The following AAK1 variants were observed in gnomAD, a reference collection of about 807,000 sequenced individuals.
The protein encoded by AAK1 is AP2 associated kinase 1.
Under a neutral mutation model 116.0 loss-of-function variants are expected in AAK1, and 37 were observed. The observed-to-expected ratio is 0.32, with a 90% confidence interval of 0.25 to 0.42. The LOEUF (loss-of-function observed/expected upper bound fraction) is 0.42. Among genes scored for constraint, AAK1 ranks in the 10% least tolerant of loss-of-function variants. The pLI, the probability that AAK1 is intolerant of heterozygous loss-of-function variation, is 1.00. For missense variants in AAK1, 919 were observed against 1,170.6 expected (o/e 0.79, Z 3.14); for synonymous variants, 458 against 439.9 (o/e 1.04, Z -0.51).
intron 2 of AAK1, among the ~76,000 whole-genome samples, chr2:69,595,868 G>A (rs1469099897): frequency 6.6e-6 from 1 of 152,222 alleles, no homozygotes; most frequent in Non-Finnish European, 1.5e-5. Context: ...TGATGCTCCT[G>A]TTAGGAACTA....
chr2:69,480,918 C>A lies in AAK1; in HGVS notation c.2511G>T (p.Glu837Asp). Reference protein sequence around the residue: ...VAVESLIPGLEPPVPQRLPSQ... With the variant: ...VAVESLIPGLDPPVPQRLPSQ... The stretch of plus-strand genomic sequence containing the variant: ...ATGGGAGGCGCTGGGGAACTGGGGG[C>A]TCCAGTCCTGGTATGAGACTCTCAA... The change falls in exon 19 of 22, where the codon GAG becomes GAT. Residue 837 changes from glutamate to aspartate, a missense_variant. By Grantham distance (45) the Glu-to-Asp change is conservative. Transcript: ENST00000409085. 2.5e-6 allele frequency: 4 copies of A among 1,607,516 alleles called. No individual in the cohort carries two copies. The highest frequency in any genetic ancestry group is 2.5e-6 in the Non-Finnish European group (3 of 1,177,590).
chr2:69,496,099 G>A lies in AAK1; in HGVS notation c.2270-19C>T. The stretch of plus-strand genomic sequence containing the variant: ...TTTTCAGCTGGAGTTAGGTTGGAGG[G>A]GAAGGAGGAGTCAGGAGAGAAAAAA... On this transcript the variant is annotated intron_variant, in intron 16 of 21. Transcript: ENST00000409085. 1 of 1,534,436 alleles carries A rather than the reference G, an allele frequency of 6.5e-7. No individual in the cohort carries two copies. The highest frequency in any genetic ancestry group is 8.8e-7 in the Non-Finnish European group (1 of 1,131,866).
chr2:69,612,755 C>T (rs1321193872), intron 2 of AAK1, among the ~76,000 whole-genome samples: 2 of 152,106 alleles, frequency 1.3e-5, no homozygotes, highest in Non-Finnish European at 2.9e-5. Flanking sequence ...ACATTCATAC[C>T]AAGATGGAAG....
chr2:69,579,800 T>A (rs959373115), intron 2 of AAK1, among the ~76,000 whole-genome samples: 2 of 152,170 alleles, frequency 1.3e-5, no homozygotes, highest in Admixed American at 6.5e-5. Context: ...TTTCACCCAT[T>A]AGGCATTTAA....
intron 8 of AAK1, among the ~76,000 whole-genome samples, chr2:69,528,530 A>C (rs939740563): frequency 3.9e-5 from 6 of 152,202 alleles, no homozygotes; most frequent in African/African-American, 1.4e-4. Flanking sequence ...GGCCGAGTAC[A>C]CGACTGAACC....
chr2:69,524,917 C>T, intron 10 of AAK1, 116 bp downstream of exon 10: 2 of 990,954 alleles, frequency 2.0e-6, no homozygotes, highest in Admixed American at 2.3e-5. Flanking sequence ...GCTTGCTTTC[C>T]TGATCTGTGC....
intron 2 of AAK1, among the ~76,000 whole-genome samples, chr2:69,558,872 T>C (rs1464323900): frequency 6.6e-6 from 1 of 152,238 alleles, no homozygotes; most frequent in Non-Finnish European, 1.5e-5. Context: ...GGCACTTTAG[T>C]ACCTGTCTGT....
intron 2 of AAK1, chr2:69,599,041 T>G: frequency 3.6e-6 from 1 of 279,148 alleles, no homozygotes; most frequent in Non-Finnish European, 7.0e-6. Flanking sequence ...GAGGTCCGTG[T>G]GCTAGCTTAC....
intron 2 of AAK1, among the ~76,000 whole-genome samples, chr2:69,566,090 C>A (rs1244604956): frequency 6.6e-6 from 1 of 152,210 alleles, no homozygotes; most frequent in Non-Finnish European, 1.5e-5. Flanking sequence ...AGTGTCCTCT[C>A]CATGGTGAGA....
chr2:69,598,300 CA>C (rs1448307575), intron 2 of AAK1: 15 of 369,026 alleles, frequency 4.1e-5, no homozygotes, highest in South Asian at 7.6e-5. Context: ...AGGATTTCAC[CA>C]AAAACCCCAT....
At chr2:69,571,138 G>A (rs2105118726) in intron 2 of AAK1, among the ~76,000 whole-genome samples, 1 of 152,222 alleles carries the variant, frequency 6.6e-6, no homozygotes, top group Admixed American at 6.5e-5. Flanking sequence ...AAACACATTG[G>A]CCTAGTTTAT....
rs1674443094 is a variant in AAK1, at chr2:69,465,002, T to G, written c.*10867A>C. 2 of 160,574 alleles carry G rather than the reference T, an allele frequency of 1.2e-5. No individual in the cohort carries two copies. Among genetic ancestry groups the G allele is most frequent in the South Asian group, 3.6e-4 (2 of 5,562 alleles). 9.9% of individuals were successfully genotyped at this position (160,574 alleles called of 1,614,324 possible). On this transcript the variant is annotated 3_prime_UTR_variant, in exon 22 of 22. Transcript: ENST00000409085. ...CTTGATTTAGTGGAGGGACTAATCT[T>G]GATTCTTCGATGGGCATGACTTAGA... is the stretch of plus-strand genomic sequence containing the variant.
chr2:69,555,956 T>C (rs1264769578), intron 3 of AAK1, among the ~76,000 whole-genome samples: 1 of 152,162 alleles, frequency 6.6e-6, no homozygotes, highest in Non-Finnish European at 1.5e-5. Context: ...TTGATCACCA[T>C]CAACTCTTGA....
intron 2 of AAK1, among the ~76,000 whole-genome samples, chr2:69,560,222 AC>A (rs1342498462): frequency 5.9e-5 from 9 of 152,230 alleles, no homozygotes; most frequent in Non-Finnish European, 1.2e-4. Context: ...GGAGATGTAA[AC>A]TAGGTTAGAA....
At chr2:69,603,865 C>T (rs1174870119) in intron 2 of AAK1, among the ~76,000 whole-genome samples, 1 of 152,120 alleles carries the variant, frequency 6.6e-6, no homozygotes, top group African/African-American at 2.4e-5. Flanking sequence ...GTTTTCAGAA[C>T]TCAGACATCA....
intron 17 of AAK1, among the ~76,000 whole-genome samples, chr2:69,487,572 C>T (rs934310728): frequency 3.3e-5 from 5 of 152,140 alleles, no homozygotes; most frequent in African/African-American, 9.6e-5. Flanking sequence ...AGGCAAAAGC[C>T]ATTCTTCTGG....
chr2:69,512,422 C>A (rs1404089083), intron 13 of AAK1, among the ~76,000 whole-genome samples: 1 of 152,162 alleles, frequency 6.6e-6, no homozygotes, highest in Non-Finnish European at 1.5e-5. Context: ...GTTGTACAGA[C>A]TTTATAACCG....
rs1472062755 is a variant in AAK1, at chr2:69,465,975, TTC to T, written c.*9892_*9893del. The stretch of plus-strand genomic sequence containing the variant: ...AACTGTTAACTCCTCCATGCTTTTC[TTC>T]TTAGTGAAAGGAGCTCTCAAAAACA... On this transcript the variant is annotated 3_prime_UTR_variant, in exon 22 of 22. Transcript: ENST00000409085. The T allele has an allele frequency of 7.7e-7, 1 of 1,290,880 alleles. No individual in the cohort carries two copies. The allele number at this position is 1,290,880 out of a possible 1,614,324, so 80.0% of individuals were successfully genotyped here.
intron 2 of AAK1, among the ~76,000 whole-genome samples, chr2:69,614,059 G>A (rs1380782886): frequency 6.6e-6 from 1 of 152,130 alleles, no homozygotes; most frequent in East Asian, 1.9e-4. Flanking sequence ...TGTTAGTGTG[G>A]AAAAAACTTA....
Sources: allele counts gnomAD v4.1 joint callset (sites outside exome capture counted in the v4.1 genomes callset), GRCh38; gene constraint gnomAD v4.1.1; transcripts MANE v1.5; gene names NCBI Gene and HGNC (gene_info 2026-07-23, HGNC 2026-07-21).